Variants in PCSK2 observed in about 807,000 individuals in gnomAD.
The protein encoded by PCSK2 is proprotein convertase subtilisin/kexin type 2.
A neutral mutation model predicts 69.7 loss-of-function variants in PCSK2; 14 were observed. The observed-to-expected ratio is 0.20, with a 90% confidence interval of 0.13 to 0.31. The LOEUF (loss-of-function observed/expected upper bound fraction) is 0.31, where lower values mean the gene tolerates loss of function less well. PCSK2 is among the 10% of genes least tolerant of loss of function. The pLI is 1.00. For missense variants in PCSK2, 544 were observed against 842.5 expected (o/e 0.65, Z 4.39); for synonymous variants, 307 against 320.7 (o/e 0.96, Z 0.46).
chr20:17,429,308 G>A, intron 6 of PCSK2, 127 bp from the exon 7 acceptor site: 1 of 708,972 alleles, frequency 1.4e-6, no homozygotes. Flanking sequence ...CCTCTTCAGT[G>A]ACACAGGGTT....
chr20:17,227,887 A>G (rs1050885935), intron 1 of PCSK2, among the ~76,000 whole-genome samples: 21 of 152,036 alleles, frequency 1.4e-4, no homozygotes, highest in Admixed American at 1.3e-4. Flanking sequence ...CCCCCGGAGA[A>G]AGAATAGTTT....
At chr20:17,338,442 A>G (rs1239307834) in intron 2 of PCSK2, among the ~76,000 whole-genome samples, 3 of 151,920 alleles carry the variant, frequency 2.0e-5, no homozygotes, top group South Asian at 2.1e-4. Context: ...TGATCCACCC[A>G]TGTCGGCCTC....
intron 6 of PCSK2, among the ~76,000 whole-genome samples, chr20:17,417,529 C>T (rs1035246737): frequency 2.0e-5 from 3 of 152,198 alleles, no homozygotes; most frequent in Non-Finnish European, 4.4e-5. Context: ...CTGGATGATG[C>T]CACCACTCAA....
At chr20:17,295,171 C>A (rs982701058) in intron 2 of PCSK2, among the ~76,000 whole-genome samples, 2 of 151,870 alleles carry the variant, frequency 1.3e-5, no homozygotes, top group Admixed American at 1.3e-4. Context: ...ATCTTCCCTG[C>A]ATTTTCAGTT....
chr20:17,258,651 C>T (rs923803524), intron 1 of PCSK2, among the ~76,000 whole-genome samples: 2 of 151,954 alleles, frequency 1.3e-5, no homozygotes, highest in African/African-American at 4.8e-5. Flanking sequence ...TGTAACAAAC[C>T]TTCACATGTA....
chr20:17,361,741 A>G (rs1413469222), intron 4 of PCSK2, among the ~76,000 whole-genome samples: 1 of 152,218 alleles, frequency 6.6e-6, no homozygotes, highest in African/African-American at 2.4e-5. Context: ...CAATGCCTCA[A>G]TGTTTTTTGA....
intron 6 of PCSK2, among the ~76,000 whole-genome samples, chr20:17,410,333 T>C (rs2031841797): frequency 6.6e-6 from 1 of 152,180 alleles, no homozygotes; most frequent in Admixed American, 6.5e-5. Flanking sequence ...GTATCATTTC[T>C]ATTATTTGAT....
rs549442247 is a variant in PCSK2 at position 17,303,508 on chromosome 20, T to A, written c.282+43164T>A. 1.8e-4 allele frequency among the ~76,000 whole-genome samples: 8 copies of A among 45,274 alleles called. No homozygotes were observed. In the East Asian group the frequency reaches 7.4e-3, roughly 42 times the overall value. The allele number at this position is 45,274 out of a possible 152,430, so 29.7% of individuals were successfully genotyped here. A position where few individuals can be genotyped will look rare whatever the true frequency, so the allele number is the denominator to read the frequency against. ...TATATTATATTTAATATAATATATA[T>A]TATATATAATATAATATATATTATA... On this transcript the variant is annotated intron_variant, in intron 2 of 11. Transcript: ENST00000262545.
intron 2 of PCSK2, among the ~76,000 whole-genome samples, chr20:17,357,050 C>T (rs1568616233): frequency 6.6e-6 from 1 of 152,196 alleles, no homozygotes; most frequent in Non-Finnish European, 1.5e-5. Flanking sequence ...ATAGTAATAT[C>T]TAGCAGCACC....
chr20:17,347,896 GA>G (rs1568612332), intron 2 of PCSK2, among the ~76,000 whole-genome samples: 1 of 14,428 alleles, frequency 6.9e-5, no homozygotes, highest in Non-Finnish European at 1.8e-4. Flanking sequence ...AAGAAAGAAA[GA>G]AAGAAAGAAA....
intron 2 of PCSK2, among the ~76,000 whole-genome samples, chr20:17,305,192 G>A (rs1989289205): frequency 6.6e-6 from 1 of 152,156 alleles, no homozygotes; most frequent in Non-Finnish European, 1.5e-5. Context: ...TATGGCCCAG[G>A]AATTTAGGGA....
At chr20:17,377,024 T>C (rs1449454563) in intron 5 of PCSK2, among the ~76,000 whole-genome samples, 1 of 152,192 alleles carries the variant, frequency 6.6e-6, no homozygotes, top group East Asian at 1.9e-4. Flanking sequence ...TCATCATGCA[T>C]GATACTAAGG....
rs1439329124 is a variant in PCSK2, at chr20:17,482,269, G to A, written c.*199G>A. 4 of 365,072 alleles carry A rather than the reference G, an allele frequency of 1.1e-5. No homozygotes were observed. In the South Asian group the frequency reaches 1.4e-4, roughly 13 times the overall value. The allele number at this position is 365,072 out of a possible 1,614,324, so 22.6% of individuals were successfully genotyped here. ...TTTTACTCTATGCCCCAAATATAGC[G>A]TTCCCAACAACATCCATGTCCTATG... is the stretch of plus-strand genomic sequence containing the variant. On this transcript the variant is annotated 3_prime_UTR_variant, in exon 12 of 12. Transcript: ENST00000262545.
intron 2 of PCSK2, among the ~76,000 whole-genome samples, chr20:17,287,262 G>A (rs963407445): frequency 2.6e-5 from 4 of 152,180 alleles, no homozygotes; most frequent in Admixed American, 2.6e-4. Flanking sequence ...ACATCCAGTG[G>A]GCAAGACAGA....
At chr20:17,454,024 T>C in intron 9 of PCSK2, 67 bp downstream of exon 9, 2 of 1,593,002 alleles carry the variant, frequency 1.3e-6, no homozygotes, top group Non-Finnish European at 1.7e-6. Context: ...GGTGGGATGC[T>C]GGGACACTGG....
intron 5 of PCSK2, among the ~76,000 whole-genome samples, chr20:17,388,634 G>A (rs2031297001): frequency 1.3e-5 from 2 of 152,086 alleles, no homozygotes; most frequent in Non-Finnish European, 2.9e-5. Context: ...TCAGGCACTA[G>A]GGTCCTGAAG....
chr20:17,332,557 C>T (rs2123154133), intron 2 of PCSK2, among the ~76,000 whole-genome samples: 1 of 152,256 alleles, frequency 6.6e-6, no homozygotes, highest in African/African-American at 2.4e-5. Flanking sequence ...CAAATTGTGT[C>T]CCCTGAACCA....
intron 6 of PCSK2, among the ~76,000 whole-genome samples, chr20:17,425,963 G>A (rs975392423): frequency 6.6e-6 from 1 of 152,114 alleles, no homozygotes; most frequent in Non-Finnish European, 1.5e-5. Flanking sequence ...CTGCAGCCTG[G>A]GGAGAAAAGA....
chr20:17,457,391 A>ATTC (rs1254811329), intron 10 of PCSK2, among the ~76,000 whole-genome samples: 1 of 152,186 alleles, frequency 6.6e-6, no homozygotes, highest in Non-Finnish European at 1.5e-5. Flanking sequence ...AGGAGGCAGG[A>ATTC]GTTGGTTCCT....
Sources: allele counts gnomAD v4.1 joint callset (sites outside exome capture counted in the v4.1 genomes callset), GRCh38; gene constraint gnomAD v4.1.1; transcripts MANE v1.5; gene names NCBI Gene and HGNC (gene_info 2026-07-23, HGNC 2026-07-21).